RBSN: variants seen among roughly 807,000 people sequenced by gnomAD.
RBSN encodes the protein rabenosyn, RAB effector.
RBSN carries 34 observed loss-of-function variants against 60.5 expected under a neutral mutation model. The observed-to-expected ratio is 0.56, with a 90% CI of 0.43 to 0.75. The LOEUF (loss-of-function observed/expected upper bound fraction) is 0.75, where lower values mean the gene tolerates loss of function less well. Ranked by LOEUF, RBSN falls within the 30% of genes least tolerant of loss-of-function variation. The pLI is 0.00. For missense variants in RBSN, 845 were observed against 986.8 expected (o/e 0.86, Z 1.92); for synonymous variants, 322 against 366.9 (o/e 0.88, Z 1.40).
chr3:15,075,152 G>C (rs1175989678), intron 13 of RBSN: 12 of 608,582 alleles, frequency 2.0e-5, no homozygotes, highest in Non-Finnish European at 3.4e-5. Flanking sequence ...GAATAAGTTA[G>C]GGCATCAGAT....
Position 15,073,811 on chromosome 3 carries a change from G to C in RBSN, c.2326C>G (p.Leu776Val), listed in dbSNP as rs775415918. ...TENLRELKHT[L>V]AKQKGGTD ...TCAGTGCCCCCCTTCTGCTTGGCCA[G>C]GGTGTGCTTCAGCTCCCGCAGATTC... Residue 776 changes from leucine to valine, a missense_variant, in exon 14 of 14, where the codon CTG becomes GTG. Transcript: ENST00000253699. 2 of 1,610,060 alleles carry C rather than the reference G, an allele frequency of 1.2e-6. No individual in the cohort carries two copies. Among genetic ancestry groups the C allele is most frequent in the Non-Finnish European group, 1.7e-6 (2 of 1,178,436 alleles).
In RBSN at chr3:15,082,502, G is replaced by T. The variant is rs1559345466; in HGVS notation, c.705C>A (p.Ser235Arg). 1.2e-6 allele frequency: 2 copies of T among 1,614,190 alleles called. No individual in the cohort carries two copies. The highest frequency in any genetic ancestry group is 1.7e-6 in the Non-Finnish European group (2 of 1,180,034). ...GSRRGSISSMSSVSSVLDEKD... is the reference protein window; with the variant it reads ...GSRRGSISSMRSVSSVLDEKD... ...TCTCATCCAGGACCGAGCTGACACT[G>T]CTCATGCTGCTGATGCTGCCTCGGC... The change falls in exon 9 of 14, where the codon AGC (serine) becomes AGA (arginine). Residue 235 changes from serine to arginine, a missense_variant. Coordinates refer to ENST00000253699, the MANE Select transcript of RBSN (RefSeq NM_022340.4). The surrounding 1 kb of genome is among the most constrained non-coding windows in gnomAD (Gnocchi z 4.2).
chr3:15,098,478 AT>A (rs57750668), intron 1 of RBSN, among the ~76,000 whole-genome samples: 9,647 of 21,516 alleles, frequency 0.45, 2,650 homozygotes, highest in African/African-American at 0.56. Flanking sequence ...AATAAAAAAA[AT>A]AAATATAGCT....
At chr3:15,097,373 G>A (rs749021072) in intron 2 of RBSN, among the ~76,000 whole-genome samples, 3 of 152,138 alleles carry the variant, frequency 2.0e-5, no homozygotes, top group Non-Finnish European at 2.9e-5. Flanking sequence ...AAATTTGCCG[G>A]GTGTGGTGGT....
At chr3:15,097,113 GC>G (rs1171435952) in intron 2 of RBSN, among the ~76,000 whole-genome samples, 1 of 151,980 alleles carries the variant, frequency 6.6e-6, no homozygotes, top group Non-Finnish European at 1.5e-5. Context: ...TCCTGCCTGA[GC>G]CCCCCCAAAC....
Position 15,070,544 on chromosome 3 carries a change from T to C in RBSN, c.*3238A>G, listed in dbSNP as rs1381111387. On this transcript the variant is annotated 3_prime_UTR_variant, in exon 14 of 14. Coordinates refer to ENST00000253699, the MANE Select transcript of RBSN (RefSeq NM_022340.4). ...TTGCCTTGGAAGACTAAAGAAAGGG[T>C]GAATATTCACATGAGGTAAGAACTT... 2 of 152,394 alleles carry C rather than the reference T, an allele frequency of 1.3e-5. No individual in the cohort carries two copies. Among genetic ancestry groups the C allele is most frequent in the East Asian group, 1.9e-4 (1 of 5,188 alleles). 9.4% of individuals were successfully genotyped at this position (152,394 alleles called of 1,614,324 possible).
intron 4 of RBSN, 143 bp downstream of exon 4, chr3:15,095,830 C>T (rs558619081): frequency 2.2e-5 from 23 of 1,062,738 alleles, no homozygotes; most frequent in African/African-American, 2.1e-4. Flanking sequence ...ACTCTGAAAA[C>T]GCCTGGCACA....
chr3:15,084,794 C>T lies in RBSN; in HGVS notation c.539G>A (p.Arg180His), dbSNP rs1005442434. The T allele has an allele frequency of 4.3e-6, 7 of 1,614,180 alleles. No homozygotes were observed. The highest frequency in any genetic ancestry group is 1.7e-5 in the Admixed American group (1 of 60,012). The change falls in exon 8 of 14, where the codon CGC becomes CAC. Residue 180 changes from arginine to histidine, a missense_variant. Transcript: ENST00000253699. This position sits in a 1 kb window ranked among gnomAD's most constrained non-coding sequence, Gnocchi z 4.2. The stretch of plus-strand genomic sequence containing the variant: ...CTTGCACATAATAGACCCGCAGAGG[C>T]GGCAGTGGTGGCGGCGGTTCCGGAT... Reference protein sequence around the residue: ...FSIRNRRHHCRLCGSIMCKKC... With the variant: ...FSIRNRRHHCHLCGSIMCKKC...
chr3:15,078,485 T>G (rs1360811141), intron 10 of RBSN, among the ~76,000 whole-genome samples: 2 of 152,144 alleles, frequency 1.3e-5, no homozygotes, highest in East Asian at 3.9e-4. Context: ...TAACAAGATG[T>G]AAGAAGTGGT....
chr3:15,081,054 CCCAAG>C, intron 9 of RBSN: 1 of 451,704 alleles, frequency 2.2e-6, no homozygotes, highest in Non-Finnish European at 4.0e-6. Flanking sequence ...TGTTCTGTCA[CCCAAG>C]GTGGAGTACA....
At chr3:15,085,140 G>A in intron 6 of RBSN, 95 bp from the exon 7 acceptor site, 1 of 1,412,282 alleles carries the variant, frequency 7.1e-7, no homozygotes, top group Non-Finnish European at 9.9e-7. Context: ...TAGCACATTT[G>A]CATTCCTCAA....
intron 4 of RBSN, among the ~76,000 whole-genome samples, chr3:15,092,169 A>C (rs2125182533): frequency 6.6e-6 from 1 of 152,202 alleles, no homozygotes; most frequent in East Asian, 1.9e-4. Flanking sequence ...GGTGTGCGCC[A>C]CCATGACTAG....
intron 5 of RBSN, among the ~76,000 whole-genome samples, chr3:15,087,069 C>T (rs545255227): frequency 1.2e-3 from 188 of 152,262 alleles, no homozygotes; most frequent in African/African-American, 4.3e-3. Flanking sequence ...ATATATTCAC[C>T]GTGTACAACA....
At position 15,074,531 on chromosome 3, in the gene RBSN, G is replaced by C. The variant is rs761720668; in HGVS notation, c.1606C>G (p.Gln536Glu). 2 of 1,614,214 alleles carry C rather than the reference G, an allele frequency of 1.2e-6. No individual in the cohort carries two copies. The highest frequency in any genetic ancestry group is 1.7e-6 in the Non-Finnish European group (2 of 1,180,038). The change falls in exon 14 of 14, where the codon CAG becomes GAG. Residue 536 changes from glutamine to glutamate, a missense_variant. Physicochemically the swap from Gln to Glu is conservative, Grantham distance 29. Transcript: ENST00000253699. The surrounding 1 kb of genome is among the most constrained non-coding windows in gnomAD (Gnocchi z 6.4). Reference protein sequence around the residue: ...RERELEREREQFRVASLHTRT... With the variant: ...RERELEREREEFRVASLHTRT... ...GTGTGCAGGGATGCCACCCGAAACT[G>C]CTCCCTTTCTCGTTCCAACTCCCGT...
intron 5 of RBSN, among the ~76,000 whole-genome samples, chr3:15,087,500 G>A (rs76972060): frequency 0.053 from 8,037 of 152,140 alleles, 249 homozygotes; most frequent in East Asian, 0.13. Flanking sequence ...ACAGAGGAAG[G>A]CTGTCTCAGA....
intron 10 of RBSN, among the ~76,000 whole-genome samples, chr3:15,079,230 T>A (rs964843855): frequency 2.6e-5 from 4 of 152,222 alleles, no homozygotes; most frequent in Non-Finnish European, 5.9e-5. Flanking sequence ...AACATGGGCA[T>A]GGCTGTGTTC....
At chr3:15,085,982 G>C in intron 5 of RBSN, 21 bp from the exon 6 acceptor site, 1 of 1,593,084 alleles carries the variant, frequency 6.3e-7, no homozygotes. Flanking sequence ...GGAAGGTAGG[G>C]AGACAAATGA....
chr3:15,084,704 G>A lies in RBSN; in HGVS notation c.598+31C>T, dbSNP rs2043292318. On this transcript the variant is annotated intron_variant, in intron 8 of 13. Coordinates refer to ENST00000253699, the MANE Select transcript of RBSN (RefSeq NM_022340.4). This position sits in a 1 kb window ranked among gnomAD's most constrained non-coding sequence, Gnocchi z 4.2. ...ATAAGCTAGGCCCAAAAGAAGATGA[G>A]GGTCCAGGGCCCCACCTCCAAGTCA... 1.9e-6 allele frequency: 3 copies of A among 1,540,440 alleles called. No homozygotes were observed. The highest frequency in any genetic ancestry group is 2.2e-5 in the Admixed American group (1 of 46,158).
chr3:15,080,141 A>C (rs1253341068), intron 10 of RBSN, among the ~76,000 whole-genome samples: 1 of 151,116 alleles, frequency 6.6e-6, no homozygotes, highest in African/African-American at 2.4e-5. Flanking sequence ...GCTACTTGGG[A>C]GGCTGAGGCA....
Sources: allele counts gnomAD v4.1 joint callset (sites outside exome capture counted in the v4.1 genomes callset), GRCh38; gene constraint gnomAD v4.1.1; non-coding constraint Gnocchi (gnomAD v3.1); transcripts MANE v1.5; gene names NCBI Gene and HGNC (gene_info 2026-07-23, HGNC 2026-07-21).